Variants in ZNF236 observed in about 807,000 individuals in gnomAD.
ZNF236 encodes the protein zinc finger protein 236, also known as regulated by glucose.
In ZNF236, 50 loss-of-function variants were observed where a neutral mutation model predicts 191.2. The ratio of observed to expected loss-of-function variants is 0.26; its 90% CI spans 0.21 to 0.33. The LOEUF (loss-of-function observed/expected upper bound fraction) is 0.33. ZNF236 is among the 10% of genes least tolerant of loss of function. ZNF236 has a pLI of 1.00. For missense variants in ZNF236, 1,754 were observed against 2,374.5 expected (o/e 0.74, Z 5.43); for synonymous variants, 907 against 928.8 (o/e 0.98, Z 0.43).
At chr18:76,945,154 AGTT>A (rs1177173227) in intron 26 of ZNF236, among the ~76,000 whole-genome samples, 1 of 152,188 alleles carries the variant, frequency 6.6e-6, no homozygotes, top group African/African-American at 2.4e-5. Flanking sequence ...AACAACAAGA[AGTT>A]GTAATTTTTC....
chr18:76,956,823 T>C (rs946767673), intron 28 of ZNF236, among the ~76,000 whole-genome samples: 2 of 151,926 alleles, frequency 1.3e-5, no homozygotes, highest in Admixed American at 6.6e-5. Context: ...GTCTTCCGTG[T>C]GAAGGGAATG....
chr18:76,863,702 C>T (rs112956358), intron 3 of ZNF236, among the ~76,000 whole-genome samples: 3,695 of 151,894 alleles, frequency 0.024, 128 homozygotes, highest in African/African-American at 0.082. Context: ...CCTGGGATTA[C>T]ACATGTGAGC....
intron 26 of ZNF236, among the ~76,000 whole-genome samples, chr18:76,942,220 C>T (rs1490392890): frequency 3.3e-5 from 5 of 152,206 alleles, no homozygotes; most frequent in South Asian, 2.1e-4. Context: ...ACTAATAGCA[C>T]GGGGAAGAGA....
At chr18:76,952,980 G>A (rs967408698) in intron 27 of ZNF236, among the ~76,000 whole-genome samples, 2 of 152,156 alleles carry the variant, frequency 1.3e-5, no homozygotes, top group Non-Finnish European at 2.9e-5. Flanking sequence ...CAGCTACTAC[G>A]GCCTGGGGCT....
At position 76,971,479 on chromosome 18, in the gene ZNF236, G is replaced by A. The variant is rs1968908045; in HGVS notation, c.*3140G>A. ...TCAGTGCTTGTCTGGCACTTAACTA[G>A]GGGATGTTTCCTTCGTGCATATTTT... is the stretch of plus-strand genomic sequence containing the variant. On this transcript the variant is annotated 3_prime_UTR_variant, in exon 31 of 31. Coordinates refer to ENST00000320610, the MANE Select transcript of ZNF236 (RefSeq NM_001306089.2). 6.6e-6 allele frequency among the ~76,000 whole-genome samples: 1 copy of A among 152,200 alleles called. No individual in the cohort carries two copies. The highest frequency in any genetic ancestry group is 2.4e-5 in the African/African-American group (1 of 41,444).
intron 20 of ZNF236, among the ~76,000 whole-genome samples, chr18:76,922,851 C>T (rs992457444): frequency 6.6e-6 from 1 of 152,200 alleles, no homozygotes; most frequent in Non-Finnish European, 1.5e-5. Flanking sequence ...GCCACCGCTC[C>T]TGGCCCTAAG....
At chr18:76,840,088 G>A in intron 1 of ZNF236, among the ~76,000 whole-genome samples, 1 of 152,178 alleles carries the variant, frequency 6.6e-6, no homozygotes, top group Non-Finnish European at 1.5e-5. Context: ...TTTGGGTAAT[G>A]TGTGTGTAGT....
rs574672913 is a variant in ZNF236 at position 76,895,182 on chromosome 18, G to A, written c.1587G>A (p.Ala529=). The A allele has an allele frequency of 4.4e-5, 71 of 1,605,120 alleles. 1 individual carries two copies. The South Asian group carries it at 6.9e-4, about 16-fold the overall frequency. Residue 529 remains alanine (A), a synonymous_variant, in exon 10 of 31, where the codon GCG becomes GCA. Coordinates refer to ENST00000320610, the MANE Select transcript of ZNF236 (RefSeq NM_001306089.2). ...RAFAVKSTLT[A]HIKTHTGIKA... is the part of the protein sequence containing the mutation. ...TCGCCGTGAAGAGCACGCTGACAGCGCACATCAAGACGCACACCGGCATCA... is the reference window on the plus strand; with the variant it reads ...TCGCCGTGAAGAGCACGCTGACAGCACACATCAAGACGCACACCGGCATCA...
chr18:76,828,179 T>C (rs1975068769), intron 1 of ZNF236, among the ~76,000 whole-genome samples: 1 of 151,924 alleles, frequency 6.6e-6, no homozygotes, highest in Non-Finnish European at 1.5e-5. Flanking sequence ...TTTTTTTTTT[T>C]TTTTTGAGAC....
intron 1 of ZNF236, among the ~76,000 whole-genome samples, chr18:76,837,157 A>C: frequency 1.6e-5 from 1 of 62,770 alleles, no homozygotes. Flanking sequence ...AAGCCTCCCA[A>C]AGTGCTGGAA....
Position 76,875,722 on chromosome 18 carries a change from G to T in ZNF236, c.840+58G>T. On this transcript the variant is annotated intron_variant, in intron 6 of 30. Coordinates refer to ENST00000320610, the MANE Select transcript of ZNF236 (RefSeq NM_001306089.2). The surrounding 1 kb of genome is among the most constrained non-coding windows in gnomAD (Gnocchi z 4.3). ...CACAGGGGACAGTAGGTATCTTTTGGGTTAATAAACGGACCTGAGAAATTC... is the reference window on the plus strand; with the variant it reads ...CACAGGGGACAGTAGGTATCTTTTGTGTTAATAAACGGACCTGAGAAATTC... 4 of 1,348,302 alleles carry T rather than the reference G, an allele frequency of 3.0e-6. No individual in the cohort carries two copies. Among genetic ancestry groups the T allele is most frequent in the Non-Finnish European group, 3.9e-6 (4 of 1,037,848 alleles). The allele number at this position is 1,348,302 out of a possible 1,614,324, so 83.5% of individuals were successfully genotyped here.
At chr18:76,837,127 T>TCCCCCCCCC (rs57114708) in intron 1 of ZNF236, among the ~76,000 whole-genome samples, 1 of 37,066 alleles carries the variant, frequency 2.7e-5, no homozygotes, top group Non-Finnish European at 4.9e-5. Flanking sequence ...CCGCACCCCC[T>TCCCCCCCCC]CCCCCCCCCC....
At chr18:76,928,822 T>A (rs1967775959) in intron 25 of ZNF236, among the ~76,000 whole-genome samples, 1 of 152,078 alleles carries the variant, frequency 6.6e-6, no homozygotes, top group African/African-American at 2.4e-5. Flanking sequence ...CTCTTTGTAT[T>A]ACTAAGAGTC....
chr18:76,889,516 G>A (rs761571214), intron 9 of ZNF236, among the ~76,000 whole-genome samples: 2 of 152,244 alleles, frequency 1.3e-5, no homozygotes, highest in Middle Eastern at 3.4e-3. Flanking sequence ...GCACTTAGGC[G>A]CTAGGATCAC....
intron 3 of ZNF236, among the ~76,000 whole-genome samples, chr18:76,859,697 C>T (rs1193748576): frequency 6.6e-6 from 1 of 152,142 alleles, no homozygotes; most frequent in East Asian, 1.9e-4. Context: ...TGTTATTGGT[C>T]AAGTGTGGAG....
chr18:76,920,966 G>A (rs1484526199), intron 20 of ZNF236, among the ~76,000 whole-genome samples: 1 of 152,220 alleles, frequency 6.6e-6, no homozygotes, highest in Non-Finnish European at 1.5e-5. Context: ...GGATGCTTAT[G>A]TTTTGCTCTA....
At chr18:76,872,350 A>T (rs1462372553) in intron 5 of ZNF236, among the ~76,000 whole-genome samples, 2 of 152,190 alleles carry the variant, frequency 1.3e-5, no homozygotes, top group African/African-American at 4.8e-5. Flanking sequence ...GCGTGGTAGC[A>T]CCCACCTGTA....
At chr18:76,898,552 TATC>T (rs769615923) in intron 10 of ZNF236, among the ~76,000 whole-genome samples, 26 of 152,246 alleles carry the variant, frequency 1.7e-4, no homozygotes, top group Admixed American at 4.6e-4. Flanking sequence ...TTAGTACTAT[TATC>T]ATCATCATTT....
At chr18:76,904,934 T>C (rs1157480271) in intron 12 of ZNF236, among the ~76,000 whole-genome samples, 1 of 152,216 alleles carries the variant, frequency 6.6e-6, no homozygotes, top group Non-Finnish European at 1.5e-5. Flanking sequence ...GAAAAAGACA[T>C]GGCTTCTAGC....
Sources: gnomAD v4.1 joint callset for allele counts (sites outside exome capture counted in the v4.1 genomes callset) on GRCh38, gnomAD v4.1.1 for gene constraint, Gnocchi (gnomAD v3.1) non-coding constraint, MANE v1.5 for transcripts, NCBI Gene and HGNC (gene_info 2026-07-23, HGNC 2026-07-21) for gene names.